Variants in ERBB3 observed in about 807,000 individuals in gnomAD.
ERBB3 encodes receptor tyrosine-protein kinase erbB-3.
A neutral mutation model predicts 156.7 loss-of-function variants in ERBB3; 96 were observed. The observed-to-expected ratio is 0.61, with a 90% confidence interval of 0.52 to 0.73. The LOEUF is 0.73. Among genes scored for constraint, ERBB3 ranks in the 30% least tolerant of loss-of-function variants. The pLI is 0.00. For missense variants in ERBB3, 1,406 were observed against 1,709.4 expected, an observed-to-expected ratio of 0.82 and a Z score of 3.13; for synonymous variants, 567 against 632.0, an observed-to-expected ratio of 0.90 and a Z score of 1.54.
chr12:56,093,904 A>G lies in ERBB3; in HGVS notation c.1613+8A>G, dbSNP rs1868802899. The G allele has an allele frequency of 6.2e-7, 1 of 1,600,602 alleles. No individual in the cohort carries two copies. Among genetic ancestry groups the G allele is most frequent in the Non-Finnish European group, 8.6e-7 (1 of 1,168,272 alleles). ...CTGCAACTTTCTGAATGGGTACAGT[A>G]AGGGGAGCCAGTCAAGGATGGGTGG... is the stretch of plus-strand genomic sequence containing the variant. On this transcript the variant is annotated splice_region_variant and intron_variant, in intron 13 of 27. Coordinates refer to ENST00000267101, the MANE Select transcript of ERBB3 (RefSeq NM_001982.4).
rs1473436333 is a variant in ERBB3 at position 56,102,821 on chromosome 12, A to AAC, written c.*767_*768insCA. 3.8e-4 allele frequency: 82 copies of AAC among 214,736 alleles called. 1 individual carries two copies. The East Asian group carries it at 5.3e-3, about 14-fold the overall frequency. 13.3% of individuals were successfully genotyped at this position (214,736 alleles called of 1,614,324 possible). A position where few individuals can be genotyped will look rare whatever the true frequency, so the allele number is the denominator to read the frequency against. On this transcript the variant is annotated 3_prime_UTR_variant, in exon 28 of 28. Transcript: ENST00000267101. ...CCCATCTCTTTAAAAAAAAAAAAAA[A>AAC]AAAAAAAAAAAAACTTTAGAACTGG...
At chr12:56,094,225 G>A in intron 14 of ERBB3, 36 bp downstream of exon 14, 1 of 1,559,004 alleles carries the variant, frequency 6.4e-7, no homozygotes. Flanking sequence ...AAGGGAGACA[G>A]AGAAGGGGCA....
At chr12:56,090,938 G>A (rs1040311252) in intron 9 of ERBB3, among the ~76,000 whole-genome samples, 3 of 152,076 alleles carry the variant, frequency 2.0e-5, no homozygotes, top group African/African-American at 4.8e-5. Flanking sequence ...TAAGGTTTGG[G>A]ATCATACATT....
rs997524268 is a variant in ERBB3, at chr12:56,080,452, G to A, written c.82+70G>A. On this transcript the variant is annotated intron_variant, in intron 1 of 27. Transcript: ENST00000267101. The stretch of plus-strand genomic sequence containing the variant: ...GAACCCAGTGCGCGCAGCCTCGGAG[G>A]GTATGGGCACGGTCTCAGGCGGCGC... 6 of 1,287,420 alleles carry A rather than the reference G, an allele frequency of 4.7e-6. No homozygotes were observed. The African/African-American group carries it at 8.8e-5, about 19-fold the overall frequency. The allele number at this position is 1,287,420 out of a possible 1,614,324, so 79.7% of individuals were successfully genotyped here.
At position 56,092,831 on chromosome 12, in the gene ERBB3, G is replaced by A; in HGVS notation, c.1183+11G>A. On this transcript the variant is annotated intron_variant, in intron 10 of 27. Transcript: ENST00000267101. ...TACGGGAGATCACAGGTGAGTGGCA[G>A]AGAGTTTGCCCTTTCTAGAAGAATA... 1 of 1,612,760 alleles carries A rather than the reference G, an allele frequency of 6.2e-7. No individual in the cohort carries two copies. The highest frequency in any genetic ancestry group is 8.5e-7 in the Non-Finnish European group (1 of 1,178,706).
intron 9 of ERBB3, among the ~76,000 whole-genome samples, chr12:56,089,671 G>C (rs1228673774): frequency 6.6e-6 from 1 of 151,668 alleles, no homozygotes; most frequent in African/African-American, 2.4e-5. Context: ...CTTGAACCCA[G>C]GAGGCGGAAA....
Position 56,098,948 on chromosome 12 carries a change from T to G in ERBB3, c.2839+43T>G, listed in dbSNP as rs372697579. The G allele has an allele frequency of 4.7e-5, 73 of 1,548,256 alleles. No homozygotes were observed. In the African/African-American group the frequency reaches 7.8e-4, roughly 17 times the overall value. ...CCCAACCATTTTCTCTTTTTTTCTT[T>G]TTTTTTCTTTTTTTTTTTTTTTTGA... On this transcript the variant is annotated intron_variant, in intron 23 of 27. Coordinates refer to ENST00000267101, the MANE Select transcript of ERBB3 (RefSeq NM_001982.4).
chr12:56,085,289 C>A (rs1265989747), intron 3 of ERBB3, 108 bp downstream of exon 3: 2 of 1,595,500 alleles, frequency 1.3e-6, no homozygotes, highest in African/African-American at 1.3e-5. Context: ...TTCCAAGGTG[C>A]CTGTCACCTT....
At chr12:56,092,389 C>CAAAA (rs60865127) in intron 9 of ERBB3, among the ~76,000 whole-genome samples, 10 of 42,866 alleles carry the variant, frequency 2.3e-4, no homozygotes, top group East Asian at 2.3e-3. Context: ...GACTCTGTCT[C>CAAAA]AAAAAAAAAA....
At chr12:56,083,259 T>TC in intron 1 of ERBB3, 1 of 228,042 alleles carries the variant, frequency 4.4e-6, no homozygotes, top group Non-Finnish European at 8.7e-6. Flanking sequence ...GCCCCCACCC[T>TC]CTGCCCCCAT....
At chr12:56,092,420 A>AT (rs1491393906) in intron 9 of ERBB3, among the ~76,000 whole-genome samples, 4 of 130,278 alleles carry the variant, frequency 3.1e-5, no homozygotes, top group Non-Finnish European at 6.6e-5. Context: ...AAAAAAAAAA[A>AT]GGTCTTCCTT....
In ERBB3 at chr12:56,085,001, C is replaced by T. The variant is rs1011342233; in HGVS notation, c.241C>T (p.Arg81Ter). 4 of 1,613,668 alleles carry T rather than the reference C, an allele frequency of 2.5e-6. No homozygotes were observed. Among genetic ancestry groups the T allele is most frequent in the South Asian group, 1.1e-5 (1 of 91,070 alleles). The change falls in exon 3 of 28, where the codon CGA (arginine) becomes TGA (stop). Residue 81 changes from arginine to a stop codon, truncating the protein, a stop_gained. Transcript: ENST00000267101. LOFTEE classifies it high-confidence loss of function. ...ATAATCTGCTCTGTCACAGTGGATT[C>T]GAGAAGTGACAGGCTATGTCCTCGT... The part of the protein sequence containing the change: ...NADLSFLQWI[R>*]EVTGYVLVAM...
Position 56,083,134 on chromosome 12 carries a change from G to A in ERBB3, c.83-617G>A, listed in dbSNP as rs536823810. On this transcript the variant is annotated intron_variant, in intron 1 of 27. Transcript: ENST00000267101. ...ACTGAGGTCACTTGTCTGAGCCCAA[G>A]GCTTGAGGGTGGAGGGGAGTGCTGC... Among the ~76,000 whole-genome samples, 17 of 152,282 alleles carry A rather than the reference G, an allele frequency of 1.1e-4. No homozygotes were observed. The East Asian group carries it at 3.3e-3, about 29-fold the overall frequency.
chr12:56,083,721 C>T (rs1277706299), intron 1 of ERBB3, 30 bp from the exon 2 acceptor site: 2 of 1,613,660 alleles, frequency 1.2e-6, no homozygotes, highest in South Asian at 2.2e-5. Flanking sequence ...GTGTCCAGCC[C>T]TCAGCCACTC....
rs990512508 is a variant in ERBB3 at position 56,103,406 on chromosome 12, C to A, written c.*1351C>A. On this transcript the variant is annotated 3_prime_UTR_variant, in exon 28 of 28. Transcript: ENST00000267101. ...CCAGCTTCAGCTGCACACCTCTGTC[C>A]CCTTGGATGGGGAACTAAGGGAAAA... 9.2e-6 allele frequency: 2 copies of A among 216,690 alleles called. No individual in the cohort carries two copies. The highest frequency in any genetic ancestry group is 1.4e-4 in the East Asian group (2 of 14,652). The allele number at this position is 216,690 out of a possible 1,614,324, so 13.4% of individuals were successfully genotyped here.
intron 15 of ERBB3, among the ~76,000 whole-genome samples, 186 bp downstream of exon 15, chr12:56,094,742 G>A (rs1298653278): frequency 2.0e-5 from 3 of 151,982 alleles, no homozygotes; most frequent in African/African-American, 7.3e-5. Flanking sequence ...ACCTGAGGTC[G>A]GGAGTTCGAG....
rs377181290 is a variant in ERBB3 at position 56,098,526 on chromosome 12, G to C, written c.2643G>C (p.Glu881Asp). 6.2e-7 allele frequency: 1 copy of C among 1,613,558 alleles called. No homozygotes were observed. Among genetic ancestry groups the C allele is most frequent in the Admixed American group, 1.7e-5 (1 of 60,012 alleles). ...CTCCAATTAAGTGGATGGCCCTTGAGAGTATCCACTTTGGGAAATACACAC... is the reference window on the plus strand; with the variant it reads ...CTCCAATTAAGTGGATGGCCCTTGACAGTATCCACTTTGGGAAATACACAC... ...AKTPIKWMAL[E>D]SIHFGKYTHQ... Residue 881 changes from glutamate (E) to aspartate (D), a missense_variant, in exon 22 of 28, where the codon GAG becomes GAC. Around this residue, in one of 3 missense-constraint regions of ERBB3, gnomAD observed 979 missense variants for 1,219.6 expected, o/e 0.80. Coordinates refer to ENST00000267101, the MANE Select transcript of ERBB3 (RefSeq NM_001982.4).
intron 7 of ERBB3, 83 bp from the exon 8 acceptor site, chr12:56,088,460 G>T: frequency 5.5e-6 from 6 of 1,099,074 alleles, no homozygotes; most frequent in Non-Finnish European, 8.4e-6. Flanking sequence ...GCTGGAGGGA[G>T]CCTAGGCCCA....
chr12:56,086,452 TC>T, intron 3 of ERBB3, 78 bp from the exon 4 acceptor site: 1 of 1,569,060 alleles, frequency 6.4e-7, no homozygotes, highest in Non-Finnish European at 8.8e-7. Context: ...GTCTCAGGTG[TC>T]CTTTTGGATG....
Sources: allele counts gnomAD v4.1 joint callset (sites outside exome capture counted in the v4.1 genomes callset), GRCh38; gene constraint gnomAD v4.1.1; regional missense constraint gnomAD v4.1.1; transcripts MANE v1.5; gene names NCBI Gene and HGNC (gene_info 2026-07-23, HGNC 2026-07-21).